ANKRD10: variants seen among roughly 807,000 people sequenced by gnomAD.
ANKRD10 encodes ankyrin repeat domain 10, also known as ankyrin repeat domain-containing protein 10.
ANKRD10 carries 14 observed loss-of-function variants against 27.0 expected under a neutral mutation model. The observed-to-expected ratio is 0.52, with a 90% CI of 0.34 to 0.81. ANKRD10 has a LOEUF of 0.81. ANKRD10 is among the 40% of genes least tolerant of loss of function. The pLI is 0.01. For synonymous variants in ANKRD10, 250 were observed against 224.5 expected, an observed-to-expected ratio of 1.11 and a Z score of -1.01; for missense variants, 493 against 544.0, an observed-to-expected ratio of 0.91 and a Z score of 0.93.
chr13:110,906,815 C>T (rs1192275952), intron 2 of ANKRD10, among the ~76,000 whole-genome samples: 1 of 151,802 alleles, frequency 6.6e-6, no homozygotes, highest in East Asian at 1.9e-4. Context: ...TCAGAAAGTG[C>T]AGAGGGGGTG....
intron 4 of ANKRD10, among the ~76,000 whole-genome samples, chr13:110,891,192 A>G (rs1199110027): frequency 1.3e-5 from 2 of 152,050 alleles, no homozygotes; most frequent in East Asian, 3.8e-4. Context: ...AGGGACAGAC[A>G]TGTACAATTC....
At chr13:110,902,765 T>G (rs2065420630) in intron 3 of ANKRD10, among the ~76,000 whole-genome samples, 1 of 152,222 alleles carries the variant, frequency 6.6e-6, no homozygotes, top group African/African-American at 2.4e-5. Context: ...TAATGCAGTA[T>G]TAAAACGGAC....
chr13:110,906,088 G>T lies in ANKRD10; in HGVS notation c.400C>A (p.Arg134Ser). 1 of 1,604,484 alleles carries T rather than the reference G, an allele frequency of 6.2e-7. No individual in the cohort carries two copies. Among genetic ancestry groups the T allele is most frequent in the South Asian group, 1.1e-5 (1 of 89,204 alleles). ...EGETPIHKAA[R>S]SGSLECISAL... ...CTGATGCATTCTAGGCTCCCAGAGCGAGCTGCCTTGTGAATGGGAGTTTCA... is the reference window on the plus strand; with the variant it reads ...CTGATGCATTCTAGGCTCCCAGAGCTAGCTGCCTTGTGAATGGGAGTTTCA... The change falls in exon 3 of 6, where the codon CGC (arginine) becomes AGC (serine). Residue 134 changes from arginine (R) to serine (S), a missense_variant. Arg to Ser is a moderately radical substitution (Grantham distance 110, BLOSUM62 -1). Coordinates refer to ENST00000267339, the MANE Select transcript of ANKRD10 (RefSeq NM_017664.4).
intron 4 of ANKRD10, among the ~76,000 whole-genome samples, chr13:110,887,933 G>C (rs1036151577): frequency 2.6e-5 from 4 of 152,202 alleles, no homozygotes; most frequent in African/African-American, 7.2e-5. Flanking sequence ...AAGACACTCT[G>C]CCTTCCTGGT....
intron 2 of ANKRD10, among the ~76,000 whole-genome samples, chr13:110,907,561 G>A (rs1295928437): frequency 3.3e-5 from 5 of 152,152 alleles, no homozygotes; most frequent in Non-Finnish European, 7.3e-5. Context: ...GAGTATGAAA[G>A]GCTCGAGTGC....
chr13:110,910,832 A>G (rs1344578372), intron 1 of ANKRD10, 62 bp from the exon 2 acceptor site: 5 of 1,468,420 alleles, frequency 3.4e-6, no homozygotes, highest in South Asian at 2.6e-5. Flanking sequence ...TCAATATTAC[A>G]TGAATAATCG....
chr13:110,908,319 A>G (rs1467224570), intron 2 of ANKRD10, among the ~76,000 whole-genome samples: 1 of 152,220 alleles, frequency 6.6e-6, no homozygotes, highest in Non-Finnish European at 1.5e-5. Flanking sequence ...TTACGCACCA[A>G]GGCTAGTCAA....
chr13:110,893,166 G>C lies in ANKRD10; in HGVS notation c.553C>G (p.Leu185Val). ...ATGCCATTGTTATAGAAATGGTTCA[G>C]ATGACAATTCTGGAGGTTCAAGAGA... is the stretch of plus-strand genomic sequence containing the variant. ...QFLLNLQNCH[L>V]NHFYNNGILN... The change falls in exon 4 of 6, where the codon CTG (leucine) becomes GTG (valine). Residue 185 changes from leucine to valine, a missense_variant. Coordinates refer to ENST00000267339, the MANE Select transcript of ANKRD10 (RefSeq NM_017664.4). The C allele has an allele frequency of 6.2e-7, 1 of 1,614,188 alleles. No individual in the cohort carries two copies. The highest frequency in any genetic ancestry group is 2.2e-5 in the East Asian group (1 of 44,886).
chr13:110,890,342 A>G (rs2065041845), intron 4 of ANKRD10, among the ~76,000 whole-genome samples: 1 of 152,166 alleles, frequency 6.6e-6, no homozygotes, highest in East Asian at 1.9e-4. Flanking sequence ...CAGCACTCTC[A>G]GTATGTAATG....
intron 2 of ANKRD10, 114 bp from the exon 3 acceptor site, chr13:110,906,238 A>G: frequency 2.5e-6 from 2 of 790,288 alleles, no homozygotes; most frequent in South Asian, 1.8e-5. Flanking sequence ...GAAGTAAAAC[A>G]TGTTGAGCAA....
rs1233689981 is a variant in ANKRD10 at position 110,894,419 on chromosome 13, A to AAAAAAAC, written c.456-1157_456-1156insGTTTTTT. Reference sequence around the variant, plus strand: ...CTGTTAATGCAAAAAAAAAAAAAAAAAAAAAAAACCCCGCATTTGAGAGTG... The same window carrying AAAAAAAC: ...CTGTTAATGCAAAAAAAAAAAAAAAAAAAAAACAAAAAAAACCCCGCATTTGAGAGTG... On this transcript the variant is annotated intron_variant, in intron 3 of 5. Coordinates refer to ENST00000267339, the MANE Select transcript of ANKRD10 (RefSeq NM_017664.4). 4 of 318,966 alleles carry AAAAAAAC rather than the reference A, an allele frequency of 1.3e-5. 1 individual carries two copies. The highest frequency in any genetic ancestry group is 1.7e-5 in the Non-Finnish European group (3 of 174,790). 19.8% of individuals were successfully genotyped at this position (318,966 alleles called of 1,614,324 possible).
At chr13:110,911,200 A>G (rs1220093906) in intron 1 of ANKRD10, among the ~76,000 whole-genome samples, 1 of 152,188 alleles carries the variant, frequency 6.6e-6, no homozygotes, top group Non-Finnish European at 1.5e-5. Flanking sequence ...CTGTAATCCT[A>G]GCACTTTGGG....
At chr13:110,895,919 T>C (rs2065214344) in intron 3 of ANKRD10, among the ~76,000 whole-genome samples, 1 of 152,212 alleles carries the variant, frequency 6.6e-6, no homozygotes, top group South Asian at 2.1e-4. Flanking sequence ...AAATACGTGC[T>C]TGTCCTCTAC....
At chr13:110,900,022 G>A (rs1209954872) in intron 3 of ANKRD10, among the ~76,000 whole-genome samples, 1 of 152,074 alleles carries the variant, frequency 6.6e-6, no homozygotes, top group African/African-American at 2.4e-5. Flanking sequence ...GACCAGCCTA[G>A]GCAACACAGG....
At chr13:110,900,620 T>G (rs1472675559) in intron 3 of ANKRD10, 34 of 1,351,822 alleles carry the variant, frequency 2.5e-5, no homozygotes, top group Non-Finnish European at 3.2e-5. Flanking sequence ...CTGTGGCAGT[T>G]TCAGCAGTTT....
chr13:110,885,981 T>C (rs181963938), intron 4 of ANKRD10, among the ~76,000 whole-genome samples: 7 of 152,300 alleles, frequency 4.6e-5, no homozygotes, highest in Non-Finnish European at 8.8e-5. Context: ...AGAATAGTAC[T>C]CACATCAGCA....
chr13:110,910,815 A>T (rs768315066), intron 1 of ANKRD10, 45 bp from the exon 2 acceptor site: 8 of 1,568,682 alleles, frequency 5.1e-6, no homozygotes, highest in South Asian at 1.2e-5. Flanking sequence ...ACATGTCAGT[A>T]CACTATTCAA....
At chr13:110,899,068 A>AT (rs1005154885) in intron 3 of ANKRD10, 15 of 151,528 alleles carry the variant, frequency 9.9e-5, no homozygotes, top group Non-Finnish European at 2.2e-4. Flanking sequence ...TTTTTTTTGT[A>AT]TTTTTTATAG....
chr13:110,886,017 GAAACAAAAACACAAGGT>G (rs1237513805), intron 4 of ANKRD10, among the ~76,000 whole-genome samples: 1 of 152,330 alleles, frequency 6.6e-6, no homozygotes, highest in African/African-American at 2.4e-5. Flanking sequence ...CTAGCCAGGA[GAAACAAAAACACAAGGT>G]AAACAAAAAC....
Sources: allele counts gnomAD v4.1 joint callset (sites outside exome capture counted in the v4.1 genomes callset), GRCh38; gene constraint gnomAD v4.1.1; transcripts MANE v1.5; gene names NCBI Gene and HGNC (gene_info 2026-07-23, HGNC 2026-07-21).